The following FHIT variants were observed in gnomAD, a reference collection of about 807,000 sequenced individuals.
FHIT encodes the protein fragile histidine triad diadenosine triphosphatase.
A neutral mutation model predicts 17.9 loss-of-function variants in FHIT; 19 were observed. That is an observed-to-expected ratio of 1.06 (90% CI 0.74 to 1.56). The LOEUF is 1.56. FHIT is among the 40% of genes most tolerant of loss of function. The probability of loss-of-function intolerance (pLI) is 0.00; values close to 1 mark genes in which losing one functional copy is unlikely to be tolerated. For missense variants in FHIT, 248 were observed against 189.2 expected (o/e 1.31, Z -1.82); for synonymous variants, 81 against 69.7 (o/e 1.16, Z -0.81).
chr3:60,659,405 A>C (rs2040189613), intron 4 of FHIT, among the ~76,000 whole-genome samples: 1 of 151,886 alleles, frequency 6.6e-6, no homozygotes, highest in African/African-American at 2.4e-5. Context: ...GAACTCTCAC[A>C]ATGGGTATGT....
intron 5 of FHIT, among the ~76,000 whole-genome samples, chr3:60,490,671 C>CAAA (rs377411602): frequency 0.089 from 11,064 of 124,902 alleles, 600 homozygotes; most frequent in East Asian, 0.26. Context: ...TGATTTGTAC[C>CAAA]AAAAAAAAAA....
At position 61,067,520 on chromosome 3, in the gene FHIT, T is replaced by C. The variant is rs577996839; in HGVS notation, c.-163-25421A>G. On this transcript the variant is annotated intron_variant, in intron 2 of 9. Transcript: ENST00000492590. ...CACCTGAGCCTTGGTGTCCATGATT[T>C]TTATTGGGGGTCAGCCACATAGACA... is the stretch of plus-strand genomic sequence containing the variant. Among the ~76,000 whole-genome samples the C allele has an allele frequency of 4.4e-4, 45 of 102,134 alleles. 2 individuals carry two copies. Among genetic ancestry groups the C allele is most frequent in the Middle Eastern group, 9.3e-3 (2 of 216 alleles). The allele number at this position is 102,134 out of a possible 152,430, so 67.0% of individuals were successfully genotyped here.
intron 5 of FHIT, among the ~76,000 whole-genome samples, chr3:60,528,622 A>C (rs2035660715): frequency 6.6e-6 from 1 of 152,216 alleles, no homozygotes. Context: ...ATTGGTCTTG[A>C]AGAACAAAGA....
rs1341464371 is a variant in FHIT, at chr3:59,963,519, T to C, written c.280-41105A>G. On this transcript the variant is annotated intron_variant, in intron 7 of 9. Transcript: ENST00000492590. The stretch of plus-strand genomic sequence containing the variant: ...GAAAGAGATATCACAGAATTAGAAC[T>C]TGAATCTCATTCAGTGGATAGGGAT... Among the ~76,000 whole-genome samples the C allele has an allele frequency of 2.6e-5, 4 of 152,066 alleles. No individual in the cohort carries two copies. The East Asian group carries it at 7.7e-4, about 29-fold the overall frequency.
At chr3:60,986,948 T>C (rs182540625) in intron 3 of FHIT, among the ~76,000 whole-genome samples, 1 of 152,348 alleles carries the variant, frequency 6.6e-6, no homozygotes, top group African/African-American at 2.4e-5. Flanking sequence ...GTTCATTCAG[T>C]AGACCATAAG....
At chr3:60,901,803 A>G (rs1706127244) in intron 3 of FHIT, among the ~76,000 whole-genome samples, 1 of 152,168 alleles carries the variant, frequency 6.6e-6, no homozygotes, top group Non-Finnish European at 1.5e-5. Flanking sequence ...AAGGAAGTTC[A>G]TGGGCATCTC....
At chr3:59,975,682 C>G (rs1381357568) in intron 7 of FHIT, among the ~76,000 whole-genome samples, 1 of 151,912 alleles carries the variant, frequency 6.6e-6, no homozygotes, top group African/African-American at 2.4e-5. Flanking sequence ...CAGGAAGAAT[C>G]AAGAGATACT....
At chr3:61,224,827 G>A (rs1195958545) in intron 1 of FHIT, among the ~76,000 whole-genome samples, 1 of 152,128 alleles carries the variant, frequency 6.6e-6, no homozygotes, top group Non-Finnish European at 1.5e-5. Context: ...TCGGCAGCAT[G>A]TACATATATA....
chr3:60,536,733 G>T, intron 5 of FHIT, 127 bp downstream of exon 5: 1 of 966,042 alleles, frequency 1.0e-6, no homozygotes. Context: ...TCCGAAGTGG[G>T]AGGGAGATGG....
In FHIT at chr3:60,386,231, T is replaced by G. The variant is rs71313766; in HGVS notation, c.103+150629A>C. Among the ~76,000 whole-genome samples, 689 of 152,050 alleles carry G rather than the reference T, an allele frequency of 4.5e-3. 1 individual carries two copies. The highest frequency in any genetic ancestry group is 6.7e-3 in the Non-Finnish European group (453 of 67,970). On this transcript the variant is annotated intron_variant, in intron 5 of 9. Transcript: ENST00000492590. ...TTCCCTGCCTTCTTGTCACCCCTCC[T>G]CCCACCCACTGACTACCACTGTACA... is the stretch of plus-strand genomic sequence containing the variant.
At chr3:60,438,491 T>A (rs543749883) in intron 5 of FHIT, among the ~76,000 whole-genome samples, 5 of 152,108 alleles carry the variant, frequency 3.3e-5, no homozygotes, top group Non-Finnish European at 7.4e-5. Context: ...TCTCAGGGTG[T>A]ACTGTCTATT....
chr3:60,634,333 G>C (rs994038537), intron 4 of FHIT, among the ~76,000 whole-genome samples: 1 of 152,044 alleles, frequency 6.6e-6, no homozygotes, highest in Non-Finnish European at 1.5e-5. Context: ...TGAACTAGGA[G>C]ACGAAGAAAG....
intron 1 of FHIT, among the ~76,000 whole-genome samples, chr3:61,229,942 C>T (rs2040057542): frequency 6.6e-6 from 1 of 152,152 alleles, no homozygotes; most frequent in African/African-American, 2.4e-5. Context: ...AACCCAGTAA[C>T]CATTTCTCCT....
intron 5 of FHIT, among the ~76,000 whole-genome samples, chr3:60,495,603 A>G (rs1404543316): frequency 6.6e-6 from 1 of 152,014 alleles, no homozygotes; most frequent in African/African-American, 2.4e-5. Flanking sequence ...GGAAACCTAC[A>G]TTGTGTTCAT....
At chr3:60,635,061 T>C (rs1553683425) in intron 4 of FHIT, among the ~76,000 whole-genome samples, 1 of 151,686 alleles carries the variant, frequency 6.6e-6, no homozygotes, top group African/African-American at 2.4e-5. Flanking sequence ...TTGAAAAATG[T>C]TTCCAATTAG....
Position 60,167,046 on chromosome 3 carries a change from C to T in FHIT, c.104-152894G>A, listed in dbSNP as rs185986828. On this transcript the variant is annotated intron_variant, in intron 5 of 9. Coordinates refer to ENST00000492590, the MANE Select transcript of FHIT (RefSeq NM_002012.4). ...TTTGCATGGGAACTCTCCCACCCCT[C>T]GACACTACCCAGTTATTCACATGAA... Among the ~76,000 whole-genome samples, 15 of 152,268 alleles carry T rather than the reference C, an allele frequency of 9.9e-5. 2 individuals are homozygous for T. The highest frequency in any genetic ancestry group is 4.6e-4 in the Admixed American group (7 of 15,290).
chr3:59,982,980 C>A (rs1235298981), intron 7 of FHIT, among the ~76,000 whole-genome samples: 2 of 151,916 alleles, frequency 1.3e-5, no homozygotes, highest in Non-Finnish European at 2.9e-5. Flanking sequence ...ATTCTGTTGC[C>A]CAGGCTGGAG....
At chr3:59,970,459 TC>T (rs1446631251) in intron 7 of FHIT, among the ~76,000 whole-genome samples, 4 of 152,028 alleles carry the variant, frequency 2.6e-5, no homozygotes, top group African/African-American at 4.8e-5. Flanking sequence ...CAGCACCAGT[TC>T]CCCCTGGTTA....
chr3:60,673,830 C>G (rs1325381601), intron 4 of FHIT, among the ~76,000 whole-genome samples: 1 of 152,096 alleles, frequency 6.6e-6, no homozygotes, highest in African/African-American at 2.4e-5. Context: ...TCCTCAGCAG[C>G]TTTTTTCTTT....
Sources: gnomAD v4.1 joint callset for allele counts (sites outside exome capture counted in the v4.1 genomes callset) on GRCh38, gnomAD v4.1.1 for gene constraint, MANE v1.5 for transcripts, NCBI Gene and HGNC (gene_info 2026-07-23, HGNC 2026-07-21) for gene names.